The following NUP133 variants were observed in gnomAD, a reference collection of about 807,000 sequenced individuals.
NUP133 encodes the protein nuclear pore complex protein Nup133.
A neutral mutation model predicts 146.2 loss-of-function variants in NUP133; 66 were observed. That is an observed-to-expected ratio of 0.45 (90% CI 0.37 to 0.55). NUP133 has a LOEUF of 0.55. Among genes scored for constraint, NUP133 ranks in the 20% least tolerant of loss-of-function variants. The pLI is 0.00. For missense variants in NUP133, 1,277 were observed against 1,374.8 expected, an observed-to-expected ratio of 0.93 and a Z score of 1.12; for synonymous variants, 521 against 498.8, an observed-to-expected ratio of 1.04 and a Z score of -0.59.
intron 6 of NUP133, 127 bp downstream of exon 6, chr1:229,498,009 A>G: frequency 1.7e-6 from 1 of 581,186 alleles, no homozygotes; most frequent in African/African-American, 1.9e-5. Context: ...AGTTCACTAA[A>G]AAGACCAAAG....
At chr1:229,458,428 C>T in intron 20 of NUP133, 132 bp from the exon 21 acceptor site, 1 of 753,542 alleles carries the variant, frequency 1.3e-6, no homozygotes, top group Admixed American at 2.9e-5. Context: ...GTTAGCAAAC[C>T]TAAAAACTGA....
At chr1:229,458,420 T>C (rs1161902886) in intron 20 of NUP133, 124 bp from the exon 21 acceptor site, 3 of 857,842 alleles carry the variant, frequency 3.5e-6, no homozygotes, top group African/African-American at 3.4e-5. Context: ...AGTCAACAGT[T>C]AGCAAACCTA....
chr1:229,461,652 A>T (rs1296348729), intron 19 of NUP133, among the ~76,000 whole-genome samples: 1 of 152,244 alleles, frequency 6.6e-6, no homozygotes, highest in Non-Finnish European at 1.5e-5. Context: ...GGAAGCAGAA[A>T]ACTATGATTC....
At chr1:229,492,127 G>A (rs1288192267) in intron 8 of NUP133, among the ~76,000 whole-genome samples, 5 of 148,516 alleles carry the variant, frequency 3.4e-5, no homozygotes, top group African/African-American at 1.2e-4. Flanking sequence ...TTTTTTTGAG[G>A]CGGAGTTTCA....
intron 7 of NUP133, 107 bp from the exon 8 acceptor site, chr1:229,495,672 T>A: frequency 1.1e-6 from 1 of 925,192 alleles, no homozygotes; most frequent in Non-Finnish European, 1.6e-6. Context: ...ACTCAGTTGC[T>A]GAATAATGTA....
Position 229,458,204 on chromosome 1 carries a change from T to G in NUP133, c.2937A>C (p.Leu979Phe). Residue 979 changes from leucine to phenylalanine, a missense_variant, in exon 21 of 26, where the codon TTA becomes TTC. This residue lies in a region of NUP133 where 952 missense variants were observed against 1,047.0 expected (regional missense o/e 0.91). Transcript: ENST00000261396. The part of the protein sequence containing the change: ...TLLGLSKLAA[L>F]ASDFSEDMLQ... ...GCATATCCTCTGAAAAGTCTGAAGC[T>G]AATGCAGCCAATTTACTCAAGCCAA... is the stretch of plus-strand genomic sequence containing the variant. 6.2e-7 allele frequency: 1 copy of G among 1,613,782 alleles called. No individual in the cohort carries two copies. Among genetic ancestry groups the G allele is most frequent in the Non-Finnish European group, 8.5e-7 (1 of 1,179,814 alleles).
intron 25 of NUP133, among the ~76,000 whole-genome samples, chr1:229,443,774 G>C (rs1468799501): frequency 7.0e-6 from 1 of 143,550 alleles, no homozygotes; most frequent in Non-Finnish European, 1.5e-5. Flanking sequence ...TGTCACCCAG[G>C]CTGAAGTGCA....
chr1:229,487,530 A>G lies in NUP133; in HGVS notation c.1278T>C (p.Tyr426=), dbSNP rs770692585. The G allele has an allele frequency of 6.2e-7, 1 of 1,613,942 alleles. No homozygotes were observed. Among genetic ancestry groups the G allele is most frequent in the South Asian group, 1.1e-5 (1 of 91,030 alleles). ...TAYLYNESAV[Y]VCSTGTGKFS... is the part of the protein sequence containing the mutation. Reference sequence around the variant, plus strand: ...ATTTCCCAGTTCCTGTGGAGCACACATAGACAGCACTTTCGTTATACAGAT... The same window carrying G: ...ATTTCCCAGTTCCTGTGGAGCACACGTAGACAGCACTTTCGTTATACAGAT... The change falls in exon 10 of 26, where the codon TAT becomes TAC. Residue 426 remains tyrosine, a synonymous_variant. Transcript: ENST00000261396.
At chr1:229,453,676 T>C (rs1660505150) in intron 21 of NUP133, among the ~76,000 whole-genome samples, 1 of 152,224 alleles carries the variant, frequency 6.6e-6, no homozygotes, top group Non-Finnish European at 1.5e-5. Flanking sequence ...TTGCCCACAA[T>C]AGCAATAGGA....
At chr1:229,503,147 G>A (rs112251980) in intron 2 of NUP133, among the ~76,000 whole-genome samples, 4 of 151,742 alleles carry the variant, frequency 2.6e-5, no homozygotes, top group African/African-American at 7.3e-5. Context: ...GCATGGTGGC[G>A]TGCACCTGTA....
Position 229,487,632 on chromosome 1 carries a change from A to T in NUP133, c.1195-19T>A. 6.4e-7 allele frequency: 1 copy of T among 1,565,478 alleles called. No homozygotes were observed. Among genetic ancestry groups the T allele is most frequent in the Non-Finnish European group, 8.7e-7 (1 of 1,155,234 alleles). On this transcript the variant is annotated intron_variant, in intron 9 of 25. Transcript: ENST00000261396. ...CTTCAGACTGAAAGTTAAATTTAAG[A>T]TTACATTTAACAAGAAGTAAAACAA...
At chr1:229,446,431 A>G (rs1380298617) in intron 24 of NUP133, among the ~76,000 whole-genome samples, 2 of 152,014 alleles carry the variant, frequency 1.3e-5, no homozygotes, top group African/African-American at 4.8e-5. Flanking sequence ...CAAAACGAAC[A>G]AACAAAAAAA....
rs771669939 is a variant in NUP133, at chr1:229,481,606, G to C, written c.1592+2448C>G. Among the ~76,000 whole-genome samples, 58 of 150,746 alleles carry C rather than the reference G, an allele frequency of 3.8e-4. 1 individual carries two copies. Among genetic ancestry groups the C allele is most frequent in the Non-Finnish European group, 4.0e-4 (27 of 67,862 alleles). On this transcript the variant is annotated intron_variant, in intron 12 of 25. Transcript: ENST00000261396. ...ACCTGCTGCTTGGGAGGCTGAGGCA[G>C]AAGAATTGCTTGAACCAGGGAGGCA...
At chr1:229,461,043 TG>T (rs1157663890) in intron 19 of NUP133, among the ~76,000 whole-genome samples, 2 of 152,222 alleles carry the variant, frequency 1.3e-5, no homozygotes, top group African/African-American at 4.8e-5. Context: ...CATACGTAGC[TG>T]TTTAACTTAA....
At chr1:229,477,856 A>G (rs1007893922) in intron 12 of NUP133, 96 bp from the exon 13 acceptor site, 15 of 880,536 alleles carry the variant, frequency 1.7e-5, no homozygotes, top group Middle Eastern at 3.4e-4. Flanking sequence ...TTCAGCCAAA[A>G]AAAAGAATGC....
chr1:229,489,522 A>G (rs1661456350), intron 9 of NUP133, among the ~76,000 whole-genome samples: 1 of 152,236 alleles, frequency 6.6e-6, no homozygotes, highest in Admixed American at 6.5e-5. Flanking sequence ...ATGTCTAGAA[A>G]CAAGCTATTT....
intron 15 of NUP133, among the ~76,000 whole-genome samples, chr1:229,467,431 C>A (rs1388667652): frequency 6.6e-6 from 1 of 152,188 alleles, no homozygotes; most frequent in Non-Finnish European, 1.5e-5. Context: ...AAGGACCTCA[C>A]AAACTGGCTG....
At chr1:229,506,523 A>T (rs550677961) in intron 1 of NUP133, among the ~76,000 whole-genome samples, 2 of 151,390 alleles carry the variant, frequency 1.3e-5, no homozygotes, top group East Asian at 3.9e-4. Flanking sequence ...AATATAAAAC[A>T]TCAGCTTTTA....
At chr1:229,475,169 C>A (rs1195197277) in intron 14 of NUP133, among the ~76,000 whole-genome samples, 1 of 152,054 alleles carries the variant, frequency 6.6e-6, no homozygotes, top group Admixed American at 6.5e-5. Flanking sequence ...ATTCATTTGG[C>A]TACGTAATAT....
Sources: gnomAD v4.1 joint callset for allele counts (sites outside exome capture counted in the v4.1 genomes callset) on GRCh38, gnomAD v4.1.1 for gene constraint, gnomAD v4.1.1 regional missense constraint, MANE v1.5 for transcripts, NCBI Gene and HGNC (gene_info 2026-07-23, HGNC 2026-07-21) for gene names.